Variants in TBC1D32 observed in about 807,000 individuals in gnomAD.
TBC1D32 encodes TBC1 domain family member 32.
A neutral mutation model predicts 170.3 loss-of-function variants in TBC1D32; 151 were observed. The ratio of observed to expected loss-of-function variants is 0.89; its 90% CI spans 0.78 to 1.01. The LOEUF (loss-of-function observed/expected upper bound fraction) is 1.01, where lower values mean the gene tolerates loss of function less well. Among genes scored for constraint, TBC1D32 ranks in the 50% least tolerant of loss-of-function variants. The pLI is 0.00. For missense variants in TBC1D32, 1,464 were observed against 1,457.1 expected, an observed-to-expected ratio of 1.00 and a Z score of -0.08; for synonymous variants, 498 against 488.0, an observed-to-expected ratio of 1.02 and a Z score of -0.27.
At chr6:121,291,362 AC>A (rs2128462771) in intron 12 of TBC1D32, among the ~76,000 whole-genome samples, 1 of 152,170 alleles carries the variant, frequency 6.6e-6, no homozygotes, top group South Asian at 2.1e-4. Flanking sequence ...TTGTACACAC[AC>A]AGAGAGAATA....
intron 20 of TBC1D32, among the ~76,000 whole-genome samples, chr6:121,226,538 T>C (rs7749466): frequency 0.01 from 1,577 of 152,110 alleles, 27 homozygotes; most frequent in African/African-American, 0.037. Context: ...GGGCAGACAA[T>C]ATAAAGGAGT....
rs140889106 is a variant in TBC1D32, at chr6:121,194,394, C to A, written c.2570+10681G>T. Among the ~76,000 whole-genome samples, 232 of 152,330 alleles carry A rather than the reference C, an allele frequency of 1.5e-3. 1 individual carries two copies. The highest frequency in any genetic ancestry group is 5.4e-3 in the African/African-American group (225 of 41,568). On this transcript the variant is annotated intron_variant, in intron 22 of 31. Transcript: ENST00000398212. ...AATCAAAAACAGTATCACATCCCTGCAGGGATTGCGGAGATTAGTGCCACC... is the reference window on the plus strand; with the variant it reads ...AATCAAAAACAGTATCACATCCCTGAAGGGATTGCGGAGATTAGTGCCACC...
At chr6:121,150,561 A>ATTC (rs1158913031) in intron 24 of TBC1D32, among the ~76,000 whole-genome samples, 1 of 152,150 alleles carries the variant, frequency 6.6e-6, no homozygotes, top group Non-Finnish European at 1.5e-5. Flanking sequence ...TGATTGGAAT[A>ATTC]GTTTCAGAAG....
intron 3 of TBC1D32, among the ~76,000 whole-genome samples, chr6:121,315,516 C>T (rs1387276412): frequency 6.6e-5 from 10 of 152,086 alleles, no homozygotes; most frequent in African/African-American, 2.2e-4. Flanking sequence ...AGTCCAAATA[C>T]AATCAGGCTG....
At chr6:121,318,139 T>A (rs76929088) in intron 2 of TBC1D32, among the ~76,000 whole-genome samples, 3,628 of 152,066 alleles carry the variant, frequency 0.024, 157 homozygotes, top group East Asian at 0.12. Context: ...TATACACCCA[T>A]AGCCACAACT....
chr6:121,287,868 A>G (rs892292404), intron 12 of TBC1D32, among the ~76,000 whole-genome samples: 8 of 152,204 alleles, frequency 5.3e-5, no homozygotes, highest in Non-Finnish European at 7.3e-5. Context: ...CCGCTCATCT[A>G]TATGGAAACT....
chr6:121,258,415 C>G (rs1487657057), intron 15 of TBC1D32, among the ~76,000 whole-genome samples: 1 of 151,752 alleles, frequency 6.6e-6, no homozygotes, highest in Non-Finnish European at 1.5e-5. Flanking sequence ...CTTTTAAATA[C>G]TGTGGCTTCA....
intron 22 of TBC1D32, among the ~76,000 whole-genome samples, chr6:121,197,700 T>C (rs2128294874): frequency 6.6e-6 from 1 of 152,294 alleles, no homozygotes; most frequent in South Asian, 2.1e-4. Context: ...CTTATTATTG[T>C]CTTTATTTGA....
intron 24 of TBC1D32, among the ~76,000 whole-genome samples, chr6:121,149,722 A>C (rs559991995): frequency 6.6e-6 from 1 of 152,298 alleles, no homozygotes; most frequent in South Asian, 2.1e-4. Context: ...ATTGCTTAGA[A>C]TTGTCTTTGC....
intron 12 of TBC1D32, among the ~76,000 whole-genome samples, chr6:121,286,610 T>C (rs929118035): frequency 3.3e-5 from 5 of 152,080 alleles, no homozygotes; most frequent in African/African-American, 9.7e-5. Context: ...TTCCCCAACC[T>C]AGCAAGGCAG....
chr6:121,308,975 AAAC>A lies in TBC1D32; in HGVS notation c.565-877_565-875del, dbSNP rs1265816099. Among the ~76,000 whole-genome samples the A allele has an allele frequency of 3.3e-5, 5 of 152,290 alleles. No individual in the cohort carries two copies. The East Asian group carries it at 9.7e-4, about 29-fold the overall frequency. On this transcript the variant is annotated intron_variant, in intron 4 of 31. Transcript: ENST00000398212. ...TCAAAACCTGGTCATTTCCCAACTG[AAAC>A]AACTAAAGCCTAGTCATTAAAAAGG...
chr6:121,140,821 T>A (rs1409706567), intron 24 of TBC1D32, among the ~76,000 whole-genome samples: 2 of 152,130 alleles, frequency 1.3e-5, no homozygotes, highest in African/African-American at 4.8e-5. Flanking sequence ...ATGAATAATA[T>A]ATATGGAAGT....
chr6:121,302,993 A>T (rs1245093956), intron 9 of TBC1D32, among the ~76,000 whole-genome samples: 5 of 152,172 alleles, frequency 3.3e-5, no homozygotes. Flanking sequence ...CCCAGTACAG[A>T]TTGAGAAAGA....
At chr6:121,272,509 T>C (rs1361696563) in intron 15 of TBC1D32, among the ~76,000 whole-genome samples, 1 of 151,910 alleles carries the variant, frequency 6.6e-6, no homozygotes, top group Admixed American at 6.6e-5. Context: ...CATGAAAAAA[T>C]GCTCATCATC....
intron 15 of TBC1D32, among the ~76,000 whole-genome samples, chr6:121,257,602 G>T (rs1401485155): frequency 6.6e-6 from 1 of 152,142 alleles, no homozygotes; most frequent in East Asian, 1.9e-4. Context: ...GGAAAAAAAT[G>T]CTTAAATTTT....
At position 121,212,159 on chromosome 6, in the gene TBC1D32, C is replaced by A. The variant is rs535816322; in HGVS notation, c.2482-6996G>T. Among the ~76,000 whole-genome samples, 7 of 152,096 alleles carry A rather than the reference C, an allele frequency of 4.6e-5. No individual in the cohort carries two copies. In the East Asian group the frequency reaches 9.7e-4, roughly 21 times the overall value. ...AAATTCCTGGACACATATGCCCCCCCAAGACTGAACCAGGAACAAAGTGAT... is the reference window on the plus strand; with the variant it reads ...AAATTCCTGGACACATATGCCCCCCAAAGACTGAACCAGGAACAAAGTGAT... On this transcript the variant is annotated intron_variant, in intron 21 of 31. Coordinates refer to ENST00000398212, the MANE Select transcript of TBC1D32 (RefSeq NM_152730.6).
At chr6:121,249,906 G>A (rs1798075410) in intron 17 of TBC1D32, among the ~76,000 whole-genome samples, 1 of 151,726 alleles carries the variant, frequency 6.6e-6, no homozygotes, top group Non-Finnish European at 1.5e-5. Context: ...TGACCATACT[G>A]CCAAAAGCAA....
In TBC1D32 at chr6:121,227,047, T is replaced by C. The variant is rs145760162; in HGVS notation, c.2365-3695A>G. ...AATACAGTAACAATAGCTAATGAGC[T>C]AAGAAAATAAAAATAAAAACTGCAA... On this transcript the variant is annotated intron_variant, in intron 20 of 31. Coordinates refer to ENST00000398212, the MANE Select transcript of TBC1D32 (RefSeq NM_152730.6). Among the ~76,000 whole-genome samples, 317 of 151,870 alleles carry C rather than the reference T, an allele frequency of 2.1e-3. 1 individual carries two copies. The highest frequency in any genetic ancestry group is 7.4e-3 in the African/African-American group (305 of 41,246).
At position 121,308,070 on chromosome 6, in the gene TBC1D32, GAAC is replaced by G; in HGVS notation, c.593_595del (p.Cys198del). 6.2e-7 allele frequency: 1 copy of G among 1,613,574 alleles called. No individual in the cohort carries two copies. Among genetic ancestry groups the G allele is most frequent in the Non-Finnish European group, 8.5e-7 (1 of 1,179,852 alleles). On this transcript the variant is annotated inframe_deletion, in exon 5 of 32. Coordinates refer to ENST00000398212, the MANE Select transcript of TBC1D32 (RefSeq NM_152730.6). Reference sequence around the variant, plus strand: ...GTTGAGGACATCAGATGGAGGAGCTGAACATAATGTTTGCAAGGCTTCATATCT... The same window carrying G: ...GTTGAGGACATCAGATGGAGGAGCTGATAATGTTTGCAAGGCTTCATATCT...
Sources: allele counts gnomAD v4.1 joint callset (sites outside exome capture counted in the v4.1 genomes callset), GRCh38; gene constraint gnomAD v4.1.1; transcripts MANE v1.5; gene names NCBI Gene and HGNC (gene_info 2026-07-23, HGNC 2026-07-21).